NRCAM: variants seen among roughly 807,000 people sequenced by gnomAD.
NRCAM encodes the protein neuronal cell adhesion molecule.
In NRCAM, 83 loss-of-function variants were observed where a neutral mutation model predicts 156.5. That is an observed-to-expected ratio of 0.53 (90% CI 0.44 to 0.64). The LOEUF is 0.64. Among genes scored for constraint, NRCAM ranks in the 30% least tolerant of loss-of-function variants. NRCAM has a pLI of 0.00. For synonymous variants in NRCAM, 538 were observed against 563.9 expected, an observed-to-expected ratio of 0.95 and a Z score of 0.65; for missense variants, 1,417 against 1,597.3, an observed-to-expected ratio of 0.89 and a Z score of 1.92.
At chr7:108,177,516 G>A (rs998428025) in intron 26 of NRCAM, among the ~76,000 whole-genome samples, 1 of 151,960 alleles carries the variant, frequency 6.6e-6, no homozygotes, top group Non-Finnish European at 1.5e-5. Flanking sequence ...CCAGCTACTC[G>A]GGAGGCTGAC....
chr7:108,428,263 C>T (rs895455756), intron 1 of NRCAM, among the ~76,000 whole-genome samples: 2 of 152,050 alleles, frequency 1.3e-5, no homozygotes, highest in Non-Finnish European at 2.9e-5. Context: ...TTATTTTTCG[C>T]TAAAAATAAA....
chr7:108,431,933 T>C (rs1382541947), intron 1 of NRCAM, among the ~76,000 whole-genome samples: 2 of 152,220 alleles, frequency 1.3e-5, no homozygotes, highest in South Asian at 2.1e-4. Context: ...TTGGCTTTTG[T>C]GAGTCAAGCT....
intron 2 of NRCAM, among the ~76,000 whole-genome samples, chr7:108,354,148 T>C (rs897808214): frequency 6.6e-6 from 1 of 152,148 alleles, no homozygotes; most frequent in Non-Finnish European, 1.5e-5. Flanking sequence ...CAAGGAAATA[T>C]CCAACAATGC....
intron 2 of NRCAM, among the ~76,000 whole-genome samples, chr7:108,320,936 G>A (rs2098994221): frequency 6.6e-6 from 1 of 152,214 alleles, no homozygotes; most frequent in African/African-American, 2.4e-5. Context: ...ATAAGTAGAT[G>A]ACAGACATTT....
intron 2 of NRCAM, among the ~76,000 whole-genome samples, chr7:108,314,741 C>T (rs2098869564): frequency 6.6e-6 from 1 of 152,026 alleles, no homozygotes; most frequent in Admixed American, 6.6e-5. Flanking sequence ...ACTTTTTTGG[C>T]AGAGAAAGAG....
intron 32 of NRCAM, among the ~76,000 whole-genome samples, chr7:108,157,453 G>A (rs919555658): frequency 6.6e-6 from 1 of 152,094 alleles, no homozygotes; most frequent in Non-Finnish European, 1.5e-5. Flanking sequence ...GTTAGTAGAT[G>A]GCTCATAGAA....
At chr7:108,243,428 C>T (rs906460212) in intron 3 of NRCAM, among the ~76,000 whole-genome samples, 2 of 152,190 alleles carry the variant, frequency 1.3e-5, no homozygotes, top group African/African-American at 2.4e-5. Context: ...TTGATATTGA[C>T]GTCAATTCTT....
intron 2 of NRCAM, among the ~76,000 whole-genome samples, chr7:108,352,722 G>GA (rs1178866358): frequency 6.6e-6 from 1 of 151,940 alleles, no homozygotes; most frequent in Non-Finnish European, 1.5e-5. Flanking sequence ...CCACTTGGGG[G>GA]AAAAAAATCT....
chr7:108,202,752 T>C (rs967891065), intron 13 of NRCAM, among the ~76,000 whole-genome samples: 1 of 152,208 alleles, frequency 6.6e-6, no homozygotes, highest in Admixed American at 6.5e-5. Context: ...ACATCTTTCA[T>C]TGTGAGAAAA....
intron 9 of NRCAM, 71 bp downstream of exon 9, chr7:108,226,122 AAAGTCAGTAGTATAT>A: frequency 2.1e-6 from 2 of 949,504 alleles, no homozygotes; most frequent in Non-Finnish European, 3.1e-6. Context: ...TGTTTACTTC[AAAGTCAGTAGTATAT>A]AATAGTTTCT....
intron 19 of NRCAM, 134 bp downstream of exon 19, chr7:108,191,120 C>A: frequency 3.2e-6 from 2 of 630,784 alleles, no homozygotes; most frequent in Non-Finnish European, 5.3e-6. Context: ...ATGGGTGACA[C>A]AACATAACAA....
At chr7:108,239,760 T>C (rs2153805460) in intron 4 of NRCAM, among the ~76,000 whole-genome samples, 199 bp downstream of exon 4, 1 of 152,296 alleles carries the variant, frequency 6.6e-6, no homozygotes, top group African/African-American at 2.4e-5. Context: ...GAGGGAATTG[T>C]GAGTCTGACC....
chr7:108,239,433 C>T lies in NRCAM; in HGVS notation c.106+526G>A, dbSNP rs1256776748. On this transcript the variant is annotated intron_variant, in intron 4 of 32. Transcript: ENST00000379028. ...GGATTCAAAATTGGAAAGTGAGATG[C>T]GCCTTGTCTGAATCAAGAGAAATGA... Among the ~76,000 whole-genome samples, 4 of 152,248 alleles carry T rather than the reference C, an allele frequency of 2.6e-5. 1 individual carries two copies. Among genetic ancestry groups the T allele is most frequent in the South Asian group, 4.2e-4 (2 of 4,818 alleles).
chr7:108,248,612 C>T (rs6964282), intron 3 of NRCAM, among the ~76,000 whole-genome samples: 37,596 of 151,966 alleles, frequency 0.25, 4,945 homozygotes, highest in Non-Finnish European at 0.27. Flanking sequence ...GTGCAGGCAC[C>T]TCTGCTCGAG....
chr7:108,439,789 C>T (rs745920495), intron 1 of NRCAM, among the ~76,000 whole-genome samples: 8 of 143,202 alleles, frequency 5.6e-5, no homozygotes, highest in Non-Finnish European at 1.0e-4. Context: ...GCCGAGATTG[C>T]GCCATTGCAC....
At chr7:108,199,566 C>T (rs954235957) in intron 13 of NRCAM, among the ~76,000 whole-genome samples, 1 of 152,174 alleles carries the variant, frequency 6.6e-6, no homozygotes, top group African/African-American at 2.4e-5. Context: ...TGGAGGCTGC[C>T]CACATTCCTT....
At chr7:108,308,512 A>AT (rs1198624833) in intron 3 of NRCAM, among the ~76,000 whole-genome samples, 1 of 152,186 alleles carries the variant, frequency 6.6e-6, no homozygotes, top group Non-Finnish European at 1.5e-5. Flanking sequence ...TTCAAACCAG[A>AT]TATTTCTCCC....
At chr7:108,447,761 T>A (rs138671855) in intron 1 of NRCAM, among the ~76,000 whole-genome samples, 1 of 152,228 alleles carries the variant, frequency 6.6e-6, no homozygotes, top group Non-Finnish European at 1.5e-5. Flanking sequence ...TCATATTTCA[T>A]TTTTGTAAGG....
intron 3 of NRCAM, among the ~76,000 whole-genome samples, chr7:108,257,454 T>C (rs1381182252): frequency 6.6e-6 from 1 of 152,220 alleles, no homozygotes; most frequent in Admixed American, 6.5e-5. Context: ...GGGTAAGTGC[T>C]TTCAAATATA....
Sources: allele counts gnomAD v4.1 joint callset (sites outside exome capture counted in the v4.1 genomes callset), GRCh38; gene constraint gnomAD v4.1.1; transcripts MANE v1.5; gene names NCBI Gene and HGNC (gene_info 2026-07-23, HGNC 2026-07-21).